Variants in PCDH11X observed in about 807,000 individuals in gnomAD.
PCDH11X encodes the protein protocadherin-11 X-linked.
Under a neutral mutation model 53.3 loss-of-function variants are expected in PCDH11X, and 18 were observed. The ratio of observed to expected loss-of-function variants is 0.34; its 90% confidence interval spans 0.23 to 0.50. The LOEUF is 0.50. Ranked by LOEUF, PCDH11X falls within the 20% of genes least tolerant of loss-of-function variation. PCDH11X has a pLI of 0.98. For synonymous variants in PCDH11X, 279 were observed against 393.3 expected, an observed-to-expected ratio of 0.71 and a Z score of 3.44; for missense variants, 570 against 1,032.4, an observed-to-expected ratio of 0.55 and a Z score of 6.14.
At chrX:91,962,521 A>G (rs922828419) in intron 6 of PCDH11X, among the ~76,000 whole-genome samples, 2 of 112,233 alleles carry the variant, frequency 1.8e-5, no homozygotes, top group East Asian at 2.9e-4. Flanking sequence ...CCTGGCTGCA[A>G]TCACAGGATG....
intron 10 of PCDH11X, among the ~76,000 whole-genome samples, chrX:92,597,936 C>T (rs1318627107): frequency 9.0e-6 from 1 of 111,423 alleles, no homozygotes; most frequent in African/African-American, 3.3e-5. Flanking sequence ...AAAAGACAGT[C>T]TCTTCAATAA....
At position 92,256,907 on chromosome X, in the gene PCDH11X, C is replaced by T. The variant is rs769850012; in HGVS notation, c.3115-6207C>T. Among the ~76,000 whole-genome samples, 228 of 110,769 alleles carry T rather than the reference C, an allele frequency of 2.1e-3. 1 individual carries two copies. Among genetic ancestry groups the T allele is most frequent in the African/African-American group, 7.1e-3 (216 of 30,549 alleles). On this transcript the variant is annotated intron_variant, in intron 7 of 10. Coordinates refer to ENST00000682573, the MANE Select transcript of PCDH11X (RefSeq NM_032968.5). ...GACATGATCTCAGTCCTTTTTTTTCCGTTTCCCTCTGCTTTTTTCAAGCAA... is the reference window on the plus strand; with the variant it reads ...GACATGATCTCAGTCCTTTTTTTTCTGTTTCCCTCTGCTTTTTTCAAGCAA...
chrX:92,227,942 G>A lies in PCDH11X; in HGVS notation c.3114+26487G>A, dbSNP rs184424350. Among the ~76,000 whole-genome samples the A allele has an allele frequency of 2.6e-3, 60 of 23,275 alleles. No homozygotes were observed. The Middle Eastern group carries it at 0.077, about 30-fold the overall frequency. The allele number at this position is 23,275 out of a possible 115,157, so 20.2% of individuals were successfully genotyped here. ...AAGTGAAACATGTATGCATTAAGTA[G>A]TGATAATAAGACAATTTTAAGATTA... On this transcript the variant is annotated intron_variant, in intron 7 of 10. Coordinates refer to ENST00000682573, the MANE Select transcript of PCDH11X (RefSeq NM_032968.5).
intron 6 of PCDH11X, among the ~76,000 whole-genome samples, chrX:92,127,799 G>A (rs1245736663): frequency 1.8e-5 from 2 of 110,871 alleles, no homozygotes; most frequent in African/African-American, 6.6e-5. Flanking sequence ...GTGATTACAG[G>A]CATAAGCCAC....
At chrX:92,443,465 G>A (rs1326857954) in intron 9 of PCDH11X, among the ~76,000 whole-genome samples, 2 of 111,671 alleles carry the variant, frequency 1.8e-5, no homozygotes, top group Non-Finnish European at 3.8e-5. Flanking sequence ...TTTCTCCTAT[G>A]CTGGAGTTTT....
intron 9 of PCDH11X, among the ~76,000 whole-genome samples, chrX:92,424,456 A>G (rs2072060496): frequency 1.0e-5 from 1 of 96,712 alleles, no homozygotes; most frequent in Non-Finnish European, 2.3e-5. Flanking sequence ...AAAACCCCTT[A>G]CTATCCTGCT....
intron 6 of PCDH11X, among the ~76,000 whole-genome samples, chrX:92,088,941 A>G (rs933587297): frequency 1.8e-5 from 2 of 110,123 alleles, no homozygotes; most frequent in Non-Finnish European, 3.8e-5. Context: ...ACAAAACAAA[A>G]CAAAACCTAA....
At chrX:92,528,151 G>C (rs1178971104) in intron 10 of PCDH11X, among the ~76,000 whole-genome samples, 3 of 112,097 alleles carry the variant, frequency 2.7e-5, no homozygotes, top group African/African-American at 6.5e-5. Flanking sequence ...TTCTAGAACA[G>C]GAGTGTACAT....
chrX:92,182,427 G>A (rs1569410205), intron 6 of PCDH11X, among the ~76,000 whole-genome samples: 1 of 111,664 alleles, frequency 9.0e-6, no homozygotes, highest in African/African-American at 3.3e-5. Context: ...GCTAAAATGA[G>A]TTAAGACTTT....
chrX:91,914,203 G>T lies in PCDH11X; in HGVS notation c.3033+34930G>T, dbSNP rs1355134553. On this transcript the variant is annotated intron_variant, in intron 6 of 10. Transcript: ENST00000682573. ...GAAGTCTCATCTCTAGGGGAAGGGG[G>T]AGAGCACGACATCAAGGAATCACCC... 1.3e-4 allele frequency among the ~76,000 whole-genome samples: 14 copies of T among 110,640 alleles called. No homozygotes were observed. In the Admixed American group the frequency reaches 1.3e-3, roughly 11 times the overall value.
chrX:91,942,205 C>T (rs2061519845), intron 6 of PCDH11X, among the ~76,000 whole-genome samples: 1 of 109,321 alleles, frequency 9.1e-6, no homozygotes, highest in Non-Finnish European at 1.9e-5. Flanking sequence ...AAAACAATAG[C>T]GCTCAAAGCC....
intron 8 of PCDH11X, among the ~76,000 whole-genome samples, chrX:92,277,752 T>G (rs2068138780): frequency 9.1e-6 from 1 of 110,044 alleles, no homozygotes; most frequent in African/African-American, 3.3e-5. Context: ...GATACGAGGC[T>G]GGGGTACTTA....
intron 10 of PCDH11X, among the ~76,000 whole-genome samples, chrX:92,555,781 T>C (rs2075037118): frequency 9.0e-6 from 1 of 111,451 alleles, no homozygotes; most frequent in East Asian, 2.8e-4. Context: ...TCTTATTTCA[T>C]AAGCTATTAT....
intron 5 of PCDH11X, among the ~76,000 whole-genome samples, chrX:91,837,999 A>C (rs1937365898): frequency 8.9e-6 from 1 of 112,250 alleles, no homozygotes; most frequent in African/African-American, 3.2e-5. Context: ...ACAAATTAAT[A>C]GATAAAATCA....
intron 9 of PCDH11X, among the ~76,000 whole-genome samples, chrX:92,435,771 T>C (rs1439739692): frequency 9.0e-6 from 1 of 111,497 alleles, no homozygotes; most frequent in African/African-American, 3.3e-5. Context: ...ACCTGTCTTA[T>C]AAGAGATCTT....
At chrX:92,324,904 A>C (rs2069294712) in intron 8 of PCDH11X, among the ~76,000 whole-genome samples, 1 of 104,722 alleles carries the variant, frequency 9.5e-6, no homozygotes, top group Non-Finnish European at 2.0e-5. Context: ...TTTAGCTTTC[A>C]CTTGTAAATG....
chrX:92,186,076 AT>A, intron 6 of PCDH11X, among the ~76,000 whole-genome samples: 1 of 111,969 alleles, frequency 8.9e-6, no homozygotes. Flanking sequence ...TTATAGCACT[AT>A]ACATGATAGC....
chrX:92,038,096 T>A (rs1336502449), intron 6 of PCDH11X, among the ~76,000 whole-genome samples: 2 of 110,322 alleles, frequency 1.8e-5, no homozygotes, highest in African/African-American at 6.6e-5. Context: ...AAGGAGAGCA[T>A]AAAAGTTCAG....
rs935500463 is a variant in PCDH11X, at chrX:92,115,296, A to G, written c.3034-86079A>G. The stretch of plus-strand genomic sequence containing the variant: ...TGGGCATTCAATAAATATGTGTTAA[A>G]TGAAACACATATTTATTGTGAGGTA... On this transcript the variant is annotated intron_variant, in intron 6 of 10. Coordinates refer to ENST00000682573, the MANE Select transcript of PCDH11X (RefSeq NM_032968.5). 2.7e-5 allele frequency among the ~76,000 whole-genome samples: 3 copies of G among 110,784 alleles called. No homozygotes were observed. In the Admixed American group the frequency reaches 2.9e-4, roughly 11 times the overall value.
Sources: allele counts gnomAD v4.1 joint callset (sites outside exome capture counted in the v4.1 genomes callset), GRCh38; gene constraint gnomAD v4.1.1; transcripts MANE v1.5; gene names NCBI Gene and HGNC (gene_info 2026-07-23, HGNC 2026-07-21).